The following NFAT5 variants were observed in gnomAD, a reference collection of about 807,000 sequenced individuals.
NFAT5 encodes the protein nuclear factor of activated T-cells 5.
In NFAT5, 31 loss-of-function variants were observed where a neutral mutation model predicts 166.5. The ratio of observed to expected loss-of-function variants is 0.19; its 90% CI spans 0.14 to 0.25. The LOEUF (loss-of-function observed/expected upper bound fraction) is 0.25. NFAT5 is among the 10% of genes least tolerant of loss of function. The pLI is 1.00. For missense variants in NFAT5, 1,449 were observed against 1,821.8 expected (o/e 0.80, Z 3.72); for synonymous variants, 612 against 639.7 (o/e 0.96, Z 0.65).
At chr16:69,573,452 A>G (rs2016556524) in intron 2 of NFAT5, among the ~76,000 whole-genome samples, 1 of 152,202 alleles carries the variant, frequency 6.6e-6, no homozygotes, top group Non-Finnish European at 1.5e-5. Context: ...GATTTTTTGA[A>G]AACATTTAAC....
chr16:69,571,681 A>G (rs1294145017), intron 2 of NFAT5, among the ~76,000 whole-genome samples: 1 of 151,994 alleles, frequency 6.6e-6, no homozygotes, highest in African/African-American at 2.4e-5. Flanking sequence ...TATAGAACGT[A>G]CGTTTTCCAA....
rs1007583017 is a variant in NFAT5, at chr16:69,567,553, T to C, written c.74-942T>C. On this transcript the variant is annotated intron_variant, in intron 1 of 14. Coordinates refer to ENST00000349945, the MANE Select transcript of NFAT5 (RefSeq NM_138713.4). ...ATTCCACCCCCTCCAAAAAAGGGACTTCACCTTCCTACTAGTGTATCTAAA... is the reference window on the plus strand; with the variant it reads ...ATTCCACCCCCTCCAAAAAAGGGACCTCACCTTCCTACTAGTGTATCTAAA... Among the ~76,000 whole-genome samples, 4 of 152,330 alleles carry C rather than the reference T, an allele frequency of 2.6e-5. No individual in the cohort carries two copies. In the South Asian group the frequency reaches 8.3e-4, roughly 32 times the overall value.
At chr16:69,585,802 A>G (rs2032021229) in intron 2 of NFAT5, among the ~76,000 whole-genome samples, 2 of 152,322 alleles carry the variant, frequency 1.3e-5, no homozygotes, top group South Asian at 4.1e-4. Context: ...AGGCAGAGAA[A>G]GAAAGTAGAA....
chr16:69,618,038 A>T (rs1402611526), intron 2 of NFAT5, among the ~76,000 whole-genome samples: 1 of 151,854 alleles, frequency 6.6e-6, no homozygotes, highest in Non-Finnish European at 1.5e-5. Flanking sequence ...AATGCCTGTA[A>T]TCCCAGCTAT....
intron 2 of NFAT5, among the ~76,000 whole-genome samples, chr16:69,606,578 G>T (rs2033422535): frequency 6.6e-6 from 1 of 152,136 alleles, no homozygotes; most frequent in South Asian, 2.1e-4. Context: ...ACTGTGGCTG[G>T]GTATGGTGGC....
At chr16:69,623,775 G>A (rs2034310932) in intron 2 of NFAT5, among the ~76,000 whole-genome samples, 1 of 151,324 alleles carries the variant, frequency 6.6e-6, no homozygotes, top group Admixed American at 6.6e-5. Flanking sequence ...CCAAGGTGCT[G>A]GGATTACAGG....
chr16:69,624,923 G>C (rs769592205), intron 2 of NFAT5, among the ~76,000 whole-genome samples: 27 of 151,346 alleles, frequency 1.8e-4, no homozygotes, highest in Non-Finnish European at 3.7e-4. Flanking sequence ...AAAAAAGAAG[G>C]AGTTTCGCTC....
chr16:69,628,469 T>A (rs1376541975), intron 3 of NFAT5, among the ~76,000 whole-genome samples: 1 of 152,158 alleles, frequency 6.6e-6, no homozygotes, highest in Admixed American at 6.5e-5. Flanking sequence ...TCATTTAAAA[T>A]CTTTTTCAAA....
chr16:69,583,538 A>T lies in NFAT5; in HGVS notation c.127+14990A>T, dbSNP rs114502838. Among the ~76,000 whole-genome samples, 1,332 of 152,332 alleles carry T rather than the reference A, an allele frequency of 8.7e-3. 18 individuals are homozygous for T. Among genetic ancestry groups the T allele is most frequent in the African/African-American group, 0.031 (1,276 of 41,570 alleles). ...CTGAGCTTTTGTATTTAAACACAAG[A>T]TTATGCATGTGTTAAGGGAAAGAAA... On this transcript the variant is annotated intron_variant, in intron 2 of 14. Transcript: ENST00000349945.
At chr16:69,644,113 T>A (rs770395095) in intron 3 of NFAT5, among the ~76,000 whole-genome samples, 2 of 152,044 alleles carry the variant, frequency 1.3e-5, no homozygotes, top group African/African-American at 4.8e-5. Context: ...GACAAAACTT[T>A]GCCTCTACAA....
chr16:69,587,339 G>A (rs564344561), intron 2 of NFAT5, among the ~76,000 whole-genome samples: 130 of 147,370 alleles, frequency 8.8e-4, no homozygotes, highest in African/African-American at 3.2e-3. Context: ...GCCTCCCAAG[G>A]TGCTAGGATT....
At chr16:69,568,376 G>GTGTGTGTGTGTA (rs1163472084) in intron 1 of NFAT5, 119 bp from the exon 2 acceptor site, 19 of 288,652 alleles carry the variant, frequency 6.6e-5, no homozygotes, top group South Asian at 3.2e-4. Context: ...GTGTGTGTGT[G>GTGTGTGTGTGTA]TATATATATA....
chr16:69,598,548 G>C (rs142802878), intron 2 of NFAT5, among the ~76,000 whole-genome samples: 41 of 152,156 alleles, frequency 2.7e-4, no homozygotes, highest in African/African-American at 9.9e-4. Context: ...ATAAACAGTA[G>C]AAGATAATAA....
chr16:69,682,144 T>G (rs921375624), intron 10 of NFAT5, among the ~76,000 whole-genome samples: 1 of 151,944 alleles, frequency 6.6e-6, no homozygotes, highest in African/African-American at 2.4e-5. Flanking sequence ...CTTTGTATTA[T>G]TGATAGTCTC....
intron 1 of NFAT5, among the ~76,000 whole-genome samples, chr16:69,567,614 G>A (rs1161826601): frequency 6.6e-6 from 1 of 152,172 alleles, no homozygotes; most frequent in Non-Finnish European, 1.5e-5. Flanking sequence ...GGTTTACTCT[G>A]AAAGGTGCTG....
Position 69,653,823 on chromosome 16 carries a change from T to C in NFAT5, c.1005+395T>C, listed in dbSNP as rs529258637. 3.3e-5 allele frequency among the ~76,000 whole-genome samples: 5 copies of C among 152,148 alleles called. 1 individual carries two copies. Among genetic ancestry groups the C allele is most frequent in the African/African-American group, 1.2e-4 (5 of 41,532 alleles). ...CTGATCTCAAGTGATCCTCCCGCCT[T>C]GGAGGAAGAAATATTAAAGTGAATT... On this transcript the variant is annotated intron_variant, in intron 5 of 14. Coordinates refer to ENST00000349945, the MANE Select transcript of NFAT5 (RefSeq NM_138713.4).
intron 9 of NFAT5, 99 bp from the exon 10 acceptor site, chr16:69,677,104 C>A: frequency 8.7e-7 from 1 of 1,143,464 alleles, no homozygotes; most frequent in Non-Finnish European, 1.2e-6. Flanking sequence ...TTTTTAATCA[C>A]TTTTTAAACT....
At chr16:69,579,427 ACTT>A (rs1241337165) in intron 2 of NFAT5, among the ~76,000 whole-genome samples, 2 of 152,184 alleles carry the variant, frequency 1.3e-5, no homozygotes, top group African/African-American at 4.8e-5. Flanking sequence ...GGATAAAATG[ACTT>A]CTTAATTCCT....
At chr16:69,578,546 A>G (rs1047980719) in intron 2 of NFAT5, among the ~76,000 whole-genome samples, 2 of 152,238 alleles carry the variant, frequency 1.3e-5, no homozygotes, top group Admixed American at 1.3e-4. Flanking sequence ...AGTTTTCATT[A>G]CAGTCATCTA....
Sources: allele counts gnomAD v4.1 joint callset (sites outside exome capture counted in the v4.1 genomes callset), GRCh38; gene constraint gnomAD v4.1.1; transcripts MANE v1.5; gene names NCBI Gene and HGNC (gene_info 2026-07-23, HGNC 2026-07-21).